Variants in TLL1 observed in about 807,000 individuals in gnomAD.
The protein encoded by TLL1 is tolloid like 1.
TLL1 carries 49 observed loss-of-function variants against 128.2 expected under a neutral mutation model. The observed-to-expected ratio is 0.38, with a 90% confidence interval of 0.30 to 0.48. The LOEUF (loss-of-function observed/expected upper bound fraction) is 0.48, where lower values mean the gene tolerates loss of function less well. Ranked by LOEUF, TLL1 falls within the 20% of genes least tolerant of loss-of-function variation. The probability of loss-of-function intolerance (pLI) is 0.96; values close to 1 mark genes in which losing one functional copy is unlikely to be tolerated. For missense variants in TLL1, 1,123 were observed against 1,242.0 expected (o/e 0.90, Z 1.44); for synonymous variants, 454 against 418.8 (o/e 1.08, Z -1.03).
rs1424324131 is a variant in TLL1 at position 165,992,800 on chromosome 4, T to G, written c.281-4T>G. On this transcript the variant is annotated splice_region_variant and splice_polypyrimidine_tract_variant and intron_variant, in intron 2 of 20. Coordinates refer to ENST00000061240, the MANE Select transcript of TLL1 (RefSeq NM_012464.5). The stretch of plus-strand genomic sequence containing the variant: ...GTTTAACTTGTTTCCTTTTATTCTT[T>G]AAGGTGGACTTGGAGACCATGCTAT... 1 of 1,612,840 alleles carries G rather than the reference T, an allele frequency of 6.2e-7. No homozygotes were observed. Among genetic ancestry groups the G allele is most frequent in the African/African-American group, 1.3e-5 (1 of 74,922 alleles).
At chr4:165,909,689 C>T (rs899811325) in intron 1 of TLL1, among the ~76,000 whole-genome samples, 1 of 152,050 alleles carries the variant, frequency 6.6e-6, no homozygotes, top group Non-Finnish European at 1.5e-5. Context: ...TGCTGTGGGC[C>T]TCATGGTATG....
intron 7 of TLL1, among the ~76,000 whole-genome samples, chr4:166,011,869 T>C (rs1020388217): frequency 6.6e-6 from 1 of 151,580 alleles, no homozygotes; most frequent in African/African-American, 2.4e-5. Flanking sequence ...AAATACTTCT[T>C]CTATATCAGC....
intron 12 of TLL1, 85 bp from the exon 13 acceptor site, chr4:166,054,991 G>C: frequency 9.1e-7 from 1 of 1,101,686 alleles, no homozygotes; most frequent in Non-Finnish European, 1.3e-6. Flanking sequence ...CAAATCAGAA[G>C]TATGGCACTG....
Position 166,003,376 on chromosome 4 carries a change from T to G in TLL1, c.633-15T>G, listed in dbSNP as rs763090680. ...CACCTTTCCACCACCATCTCCACTT[T>G]CTCTTTTATTCCAGATGCTGCTCCT... On this transcript the variant is annotated splice_polypyrimidine_tract_variant and intron_variant, in intron 5 of 20. Coordinates refer to ENST00000061240, the MANE Select transcript of TLL1 (RefSeq NM_012464.5). The G allele has an allele frequency of 6.2e-7, 1 of 1,613,832 alleles. No homozygotes were observed. Among genetic ancestry groups the G allele is most frequent in the Non-Finnish European group, 8.5e-7 (1 of 1,179,824 alleles).
intron 8 of TLL1, among the ~76,000 whole-genome samples, chr4:166,018,011 A>G (rs931995597): frequency 4.6e-5 from 7 of 152,188 alleles, no homozygotes; most frequent in Non-Finnish European, 1.0e-4. Context: ...GAGTCTTAAT[A>G]GGGTGACTCA....
At chr4:165,888,687 A>T (rs1228750674) in intron 1 of TLL1, among the ~76,000 whole-genome samples, 2 of 152,064 alleles carry the variant, frequency 1.3e-5, no homozygotes, top group Non-Finnish European at 2.9e-5. Flanking sequence ...GTTCTTGCTT[A>T]TGTGGTCTCA....
intron 1 of TLL1, among the ~76,000 whole-genome samples, chr4:165,949,745 G>A (rs1258849325): frequency 1.3e-5 from 2 of 152,048 alleles, no homozygotes; most frequent in East Asian, 1.9e-4. Context: ...AGAACAGCAT[G>A]GGGGAAACCA....
At position 165,994,538 on chromosome 4, in the gene TLL1, G is replaced by T. The variant is rs781139721; in HGVS notation, c.514+5G>T. The stretch of plus-strand genomic sequence containing the variant: ...TTATAGGAGGAAACTTCACTGGTAA[G>T]ATACTCCCAGCATGTCTGTTTTCAT... On this transcript the variant is annotated splice_donor_5th_base_variant and intron_variant, in intron 4 of 20. Coordinates refer to ENST00000061240, the MANE Select transcript of TLL1 (RefSeq NM_012464.5). 2 of 1,613,750 alleles carry T rather than the reference G, an allele frequency of 1.2e-6. No individual in the cohort carries two copies.
chr4:165,920,630 C>T (rs573172402), intron 1 of TLL1, among the ~76,000 whole-genome samples: 43 of 152,108 alleles, frequency 2.8e-4, no homozygotes, highest in Admixed American at 7.2e-4. Context: ...CATTAAAAAC[C>T]GAGATAGGTG....
At chr4:166,026,216 C>G (rs552906174) in intron 9 of TLL1, among the ~76,000 whole-genome samples, 1 of 151,692 alleles carries the variant, frequency 6.6e-6, no homozygotes, top group African/African-American at 2.4e-5. Flanking sequence ...TGATGAAACC[C>G]TGTCTCTACT....
chr4:165,974,557 C>T (rs1386516257), intron 1 of TLL1, among the ~76,000 whole-genome samples: 4 of 152,118 alleles, frequency 2.6e-5, no homozygotes, highest in African/African-American at 9.7e-5. Flanking sequence ...TGTGACCAAT[C>T]TTTTGTTAAC....
intron 18 of TLL1, among the ~76,000 whole-genome samples, chr4:166,086,114 G>A (rs1579724859): frequency 6.6e-6 from 1 of 152,178 alleles, no homozygotes; most frequent in South Asian, 2.1e-4. Context: ...ATTCCTATGT[G>A]CCCTTTGTGA....
intron 1 of TLL1, among the ~76,000 whole-genome samples, chr4:165,913,619 C>T (rs1407226177): frequency 6.6e-6 from 1 of 152,128 alleles, no homozygotes; most frequent in Non-Finnish European, 1.5e-5. Context: ...AATTTAACAG[C>T]TGTCTCTTAA....
chr4:165,939,584 C>T (rs930176832), intron 1 of TLL1, among the ~76,000 whole-genome samples: 4 of 151,978 alleles, frequency 2.6e-5, no homozygotes, highest in Admixed American at 6.6e-5. Flanking sequence ...CCCTTGGATC[C>T]TCAAGCTATT....
Position 165,978,790 on chromosome 4 carries a change from T to G in TLL1, c.170-10591T>G, listed in dbSNP as rs17505587. 7.1e-3 allele frequency among the ~76,000 whole-genome samples: 1,084 copies of G among 152,354 alleles called. 6 individuals are homozygous for G. The highest frequency in any genetic ancestry group is 0.012 in the Non-Finnish European group (792 of 68,040). On this transcript the variant is annotated intron_variant, in intron 1 of 20. Coordinates refer to ENST00000061240, the MANE Select transcript of TLL1 (RefSeq NM_012464.5). ...TGTTCTCAGGTTGGTCTGCTGTGCT[T>G]TCCAATGAGTATCTTGTCAGTGATT...
At chr4:165,917,510 A>G (rs1215893717) in intron 1 of TLL1, among the ~76,000 whole-genome samples, 1 of 152,124 alleles carries the variant, frequency 6.6e-6, no homozygotes, top group Non-Finnish European at 1.5e-5. Context: ...TTAGTAGTAA[A>G]CTTAGACTTT....
intron 1 of TLL1, among the ~76,000 whole-genome samples, chr4:165,930,122 T>A (rs1361832770): frequency 6.6e-6 from 1 of 152,170 alleles, no homozygotes; most frequent in Non-Finnish European, 1.5e-5. Context: ...CCATACTTTT[T>A]AATCTGGATT....
intron 1 of TLL1, among the ~76,000 whole-genome samples, chr4:165,887,344 C>G (rs904418642): frequency 6.6e-6 from 1 of 151,980 alleles, no homozygotes; most frequent in Non-Finnish European, 1.5e-5. Context: ...TGCACCGTGT[C>G]AGTAGCCACA....
intron 1 of TLL1, among the ~76,000 whole-genome samples, chr4:165,893,559 C>T (rs1184873179): frequency 6.6e-6 from 1 of 152,088 alleles, no homozygotes; most frequent in African/African-American, 2.4e-5. Flanking sequence ...GCAGAGAATC[C>T]CTACCTTGTA....
Sources: allele counts gnomAD v4.1 joint callset (sites outside exome capture counted in the v4.1 genomes callset), GRCh38; gene constraint gnomAD v4.1.1; transcripts MANE v1.5; gene names NCBI Gene and HGNC (gene_info 2026-07-23, HGNC 2026-07-21).